The following DOCK4 variants were observed in gnomAD, a reference collection of about 807,000 sequenced individuals.
DOCK4 encodes the protein dedicator of cytokinesis protein 4.
DOCK4 carries 97 observed loss-of-function variants against 268.1 expected under a neutral mutation model. The ratio of observed to expected loss-of-function variants is 0.36; its 90% CI spans 0.31 to 0.43. The LOEUF (loss-of-function observed/expected upper bound fraction) is 0.43. Among genes scored for constraint, DOCK4 ranks in the 20% least tolerant of loss-of-function variants. The pLI, the probability that DOCK4 is intolerant of heterozygous loss-of-function variation, is 1.00. For synonymous variants in DOCK4, 954 were observed against 887.2 expected (o/e 1.08, Z -1.34); for missense variants, 2,145 against 2,455.7 (o/e 0.87, Z 2.67).
At chr7:111,819,773 T>C (rs944169645) in intron 27 of DOCK4, 2 of 152,244 alleles carry the variant, frequency 1.3e-5, no homozygotes, top group African/African-American at 4.8e-5. Context: ...CTCAGCCACC[T>C]GCTATCAATT....
chr7:111,814,510 T>G (rs1165668722), intron 27 of DOCK4, among the ~76,000 whole-genome samples: 1 of 152,150 alleles, frequency 6.6e-6, no homozygotes, highest in Non-Finnish European at 1.5e-5. Flanking sequence ...TTCTCAAACT[T>G]TAACAGGTAC....
intron 1 of DOCK4, among the ~76,000 whole-genome samples, chr7:112,193,939 C>T (rs541922370): frequency 1.3e-5 from 2 of 151,972 alleles, no homozygotes; most frequent in Non-Finnish European, 2.9e-5. Flanking sequence ...CTTTCTCATG[C>T]TACCTATGAA....
chr7:111,736,565 C>T (rs937493606), intron 50 of DOCK4, among the ~76,000 whole-genome samples: 1 of 152,026 alleles, frequency 6.6e-6, no homozygotes, highest in Admixed American at 6.6e-5. Context: ...ATGGGACCAC[C>T]GAATCGATCC....
intron 13 of DOCK4, among the ~76,000 whole-genome samples, chr7:111,910,221 G>C (rs1360155058): frequency 1.3e-5 from 2 of 152,200 alleles, no homozygotes; most frequent in Non-Finnish European, 2.9e-5. Context: ...GGGGAGCAGG[G>C]AAGACAGTCA....
intron 36 of DOCK4, among the ~76,000 whole-genome samples, chr7:111,777,834 A>G (rs1798549107): frequency 6.6e-6 from 1 of 152,170 alleles, no homozygotes; most frequent in Non-Finnish European, 1.5e-5. Flanking sequence ...GTCTGCCGCC[A>G]TGTAAGATGT....
chr7:111,851,263 T>C lies in DOCK4; in HGVS notation c.2474-4137A>G, dbSNP rs1038736669. On this transcript the variant is annotated intron_variant, in intron 23 of 52. Transcript: ENST00000428084. ...ATTGAGCCCATGCTGGCTAACACAA[T>C]GAAACCCCGTCTCTACTAAAAATAC... 2.0e-5 allele frequency among the ~76,000 whole-genome samples: 3 copies of C among 151,926 alleles called. No homozygotes were observed. The South Asian group carries it at 6.2e-4, about 31-fold the overall frequency.
chr7:112,069,080 A>G (rs1807344000), intron 1 of DOCK4, among the ~76,000 whole-genome samples: 1 of 152,202 alleles, frequency 6.6e-6, no homozygotes, highest in Non-Finnish European at 1.5e-5. Flanking sequence ...CATATCTTGA[A>G]TAACAGACTG....
intron 1 of DOCK4, among the ~76,000 whole-genome samples, chr7:112,051,553 A>G (rs1044892038): frequency 1.3e-5 from 2 of 152,080 alleles, no homozygotes; most frequent in Non-Finnish European, 2.9e-5. Flanking sequence ...CTGAAGTAAG[A>G]TATCTAAAAA....
chr7:112,161,560 A>G (rs1174717066), intron 1 of DOCK4, among the ~76,000 whole-genome samples: 2 of 152,194 alleles, frequency 1.3e-5, no homozygotes, highest in Admixed American at 6.5e-5. Flanking sequence ...CAAAAGCAGC[A>G]TATTCATTCT....
At chr7:112,128,305 C>T (rs530052856) in intron 1 of DOCK4, among the ~76,000 whole-genome samples, 3,146 of 151,778 alleles carry the variant, frequency 0.021, 105 homozygotes, top group African/African-American at 0.072. Context: ...GGGGGGTCAG[C>T]CCCCTGCCCG....
chr7:112,138,556 A>T (rs1814583774), intron 1 of DOCK4, among the ~76,000 whole-genome samples: 1 of 152,200 alleles, frequency 6.6e-6, no homozygotes, highest in Non-Finnish European at 1.5e-5. Flanking sequence ...AAAATGACAG[A>T]ATAGCATACA....
intron 35 of DOCK4, among the ~76,000 whole-genome samples, chr7:111,781,837 G>T (rs953387318): frequency 6.6e-6 from 1 of 152,146 alleles, no homozygotes; most frequent in African/African-American, 2.4e-5. Context: ...AAACTGATGA[G>T]CTAAGAAAAG....
intron 42 of DOCK4, among the ~76,000 whole-genome samples, chr7:111,753,873 GAACAT>G (rs1465214616): frequency 1.3e-5 from 2 of 152,194 alleles, no homozygotes; most frequent in African/African-American, 4.8e-5. Context: ...CCATTTGACA[GAACAT>G]AAGATTACAT....
chr7:111,959,147 C>A (rs565940163), intron 8 of DOCK4, among the ~76,000 whole-genome samples: 1 of 150,798 alleles, frequency 6.6e-6, no homozygotes, highest in South Asian at 2.1e-4. Flanking sequence ...CACTGACAGG[C>A]AGGCAGACAC....
At chr7:111,917,742 CAAG>C (rs1345416428) in intron 12 of DOCK4, among the ~76,000 whole-genome samples, 1 of 151,784 alleles carries the variant, frequency 6.6e-6, no homozygotes, top group Non-Finnish European at 1.5e-5. Context: ...TTAGTACAGT[CAAG>C]AAGATGATAA....
chr7:111,914,319 T>C (rs1472667162), intron 13 of DOCK4, among the ~76,000 whole-genome samples: 1 of 152,160 alleles, frequency 6.6e-6, no homozygotes, highest in Non-Finnish European at 1.5e-5. Flanking sequence ...TGCCCTCCCA[T>C]ATTCCCTCCA....
At chr7:111,754,382 C>T (rs986860598) in intron 42 of DOCK4, among the ~76,000 whole-genome samples, 5 of 152,198 alleles carry the variant, frequency 3.3e-5, no homozygotes, top group African/African-American at 1.2e-4. Context: ...ACAAACAATT[C>T]TTGAAAAACA....
At chr7:111,764,048 G>A (rs1797619936) in intron 39 of DOCK4, among the ~76,000 whole-genome samples, 1 of 152,156 alleles carries the variant, frequency 6.6e-6, no homozygotes, top group African/African-American at 2.4e-5. Flanking sequence ...CACCTGCAAA[G>A]TCAGCTTTGT....
chr7:112,206,267 T>G lies in DOCK4; in HGVS notation c.-129A>C. 9.4e-7 allele frequency: 1 copy of G among 1,058,670 alleles called. No individual in the cohort carries two copies. The highest frequency in any genetic ancestry group is 1.4e-6 in the Non-Finnish European group (1 of 719,720). The allele number at this position is 1,058,670 out of a possible 1,614,324, so 65.6% of individuals were successfully genotyped here. ...GCGGCTTCGCGCGGGCTGCGGGCGC[T>G]GGGCAGGATCTGCGCTGGAGGCTCC... On this transcript the variant is annotated 5_prime_UTR_variant, in exon 1 of 53. Transcript: ENST00000428084.
Sources: gnomAD v4.1 joint callset for allele counts (sites outside exome capture counted in the v4.1 genomes callset) on GRCh38, gnomAD v4.1.1 for gene constraint, MANE v1.5 for transcripts, NCBI Gene and HGNC (gene_info 2026-07-23, HGNC 2026-07-21) for gene names.